Variants in THOC5 observed in about 807,000 individuals in gnomAD.
THOC5 encodes the protein Fms-interacting protein.
THOC5 carries 43 observed loss-of-function variants against 92.9 expected under a neutral mutation model. The observed-to-expected ratio is 0.46, with a 90% CI of 0.36 to 0.60. The LOEUF (loss-of-function observed/expected upper bound fraction) is 0.60. Ranked by LOEUF, THOC5 falls within the 20% of genes least tolerant of loss-of-function variation. The pLI is 0.00. For synonymous variants in THOC5, 296 were observed against 320.1 expected (o/e 0.92, Z 0.80); for missense variants, 659 against 849.4 (o/e 0.78, Z 2.79).
chr22:29,544,634 C>T (rs763804964), intron 2 of THOC5, 31 bp from the exon 3 acceptor site: 10 of 1,553,728 alleles, frequency 6.4e-6, no homozygotes, highest in Non-Finnish European at 7.0e-6. Context: ...GCTCTGTGTG[C>T]ATGGGGTAAA....
rs182827159 is a variant in THOC5, at chr22:29,512,266, C to T, written c.1682-130G>A. ...TAATCTGAATGCTGCAGAGTATATT[C>T]TGGTACCAACTGTTCCAGAATGTCC... On this transcript the variant is annotated intron_variant, in intron 17 of 19. Coordinates refer to ENST00000490103, the MANE Select transcript of THOC5 (RefSeq NM_003678.5). 2.0e-4 allele frequency: 132 copies of T among 668,464 alleles called. 1 individual carries two copies. The African/African-American group carries it at 2.1e-3, about 11-fold the overall frequency. The allele number at this position is 668,464 out of a possible 1,614,324, so 41.4% of individuals were successfully genotyped here. A position where few individuals can be genotyped will look rare whatever the true frequency, so the allele number is the denominator to read the frequency against.
chr22:29,506,869 T>C lies in THOC5; in HGVS notation c.*1588A>G, dbSNP rs932974750. ...GGTCTATTATATGCAGATTTCTTTT[T>C]TTAAAATTTTTTAGAGATAGGGACT... On this transcript the variant is annotated 3_prime_UTR_variant, in exon 20 of 20. Transcript: ENST00000490103. The C allele has an allele frequency of 6.6e-6, 1 of 151,724 alleles. No individual in the cohort carries two copies. The highest frequency in any genetic ancestry group is 6.6e-5 in the Admixed American group (1 of 15,232). The allele number at this position is 151,724 out of a possible 1,614,324, so 9.4% of individuals were successfully genotyped here.
At chr22:29,532,037 C>A (rs1436169851) in intron 7 of THOC5, 74 bp from the exon 8 acceptor site, 1 of 1,535,492 alleles carries the variant, frequency 6.5e-7, no homozygotes, top group Admixed American at 1.9e-5. Flanking sequence ...TACTTAGTGA[C>A]CGTAAATCAT....
intron 15 of THOC5, among the ~76,000 whole-genome samples, chr22:29,518,322 T>C (rs1179224310): frequency 6.6e-6 from 1 of 152,152 alleles, no homozygotes; most frequent in Non-Finnish European, 1.5e-5. Flanking sequence ...CAAGAGCCAC[T>C]GCGCCTGTCC....
chr22:29,508,866 G>A (rs1200488271), intron 19 of THOC5, among the ~76,000 whole-genome samples: 1 of 151,920 alleles, frequency 6.6e-6, no homozygotes, highest in East Asian at 1.9e-4. Context: ...CGTGATCTCG[G>A]CTCACTGCAA....
At chr22:29,531,599 T>C in intron 8 of THOC5, 2 of 1,261,890 alleles carry the variant, frequency 1.6e-6, no homozygotes, top group South Asian at 2.7e-5. Flanking sequence ...CCAGCCAGGC[T>C]CACGAATGAC....
intron 7 of THOC5, among the ~76,000 whole-genome samples, chr22:29,532,537 T>C (rs1282021546): frequency 6.6e-6 from 1 of 151,782 alleles, no homozygotes; most frequent in Non-Finnish European, 1.5e-5. Flanking sequence ...TGGTGGCATA[T>C]GCCTGTAATC....
At chr22:29,553,223 A>G (rs1051582253) in intron 1 of THOC5, among the ~76,000 whole-genome samples, 3 of 152,248 alleles carry the variant, frequency 2.0e-5, no homozygotes, top group Non-Finnish European at 2.9e-5. Context: ...GAAACACCCA[A>G]GAATTATCAA....
rs1487032313 is a variant in THOC5 at position 29,511,210 on chromosome 22, C to A, written c.1884G>T (p.Arg628=). 4 of 1,614,120 alleles carry A rather than the reference C, an allele frequency of 2.5e-6. No homozygotes were observed. The highest frequency in any genetic ancestry group is 3.4e-6 in the Non-Finnish European group (4 of 1,180,050). ...SHQLLTNQLQ[R]LCVLLDVYLE... is the part of the protein sequence containing the mutation. ...GGTAAACATCCAGCAGCACACACAG[C>A]CGCTGCAGCTGGTTGGTCAACAGCT... Residue 628 remains arginine (R), a synonymous_variant, in exon 19 of 20, where the codon CGG becomes CGT. Coordinates refer to ENST00000490103, the MANE Select transcript of THOC5 (RefSeq NM_003678.5).
intron 7 of THOC5, among the ~76,000 whole-genome samples, chr22:29,533,500 T>C (rs2063696130): frequency 6.6e-6 from 1 of 152,130 alleles, no homozygotes; most frequent in Non-Finnish European, 1.5e-5. Context: ...GACAACAGAT[T>C]TAAATAGAAA....
At position 29,520,106 on chromosome 22, in the gene THOC5, T is replaced by C. The variant is rs2063410875; in HGVS notation, c.1278-2A>G. On this transcript the variant is annotated splice_acceptor_variant, in intron 13 of 19. Coordinates refer to ENST00000490103, the MANE Select transcript of THOC5 (RefSeq NM_003678.5). LOFTEE classifies it high-confidence loss of function. ...ACATAGTCGCTCAAAGTCAGGATGC[T>C]GCAGAAAAGAAGATAAATAAAATTG... 1 of 1,612,814 alleles carries C rather than the reference T, an allele frequency of 6.2e-7. No individual in the cohort carries two copies. The highest frequency in any genetic ancestry group is 8.5e-7 in the Non-Finnish European group (1 of 1,179,158).
chr22:29,542,767 A>AC, intron 5 of THOC5, 92 bp downstream of exon 5: 1 of 876,446 alleles, frequency 1.1e-6, no homozygotes, highest in Non-Finnish European at 1.7e-6. Context: ...CCGTCTCAAA[A>AC]AAAAAAAAGA....
At chr22:29,550,928 C>T (rs529832592) in intron 1 of THOC5, 1 of 152,256 alleles carries the variant, frequency 6.6e-6, no homozygotes, top group South Asian at 2.1e-4. Flanking sequence ...CCTAGTTTGT[C>T]TTTAACATCT....
chr22:29,532,677 A>G (rs546140541), intron 7 of THOC5, among the ~76,000 whole-genome samples: 9 of 147,348 alleles, frequency 6.1e-5, no homozygotes, highest in African/African-American at 2.0e-4. Context: ...AAAAACAAAC[A>G]AAAAATAATA....
chr22:29,529,072 G>T lies in THOC5; in HGVS notation c.925+90C>A. 2.3e-6 allele frequency: 3 copies of T among 1,301,552 alleles called. No individual in the cohort carries two copies. In the South Asian group the frequency reaches 3.6e-5, roughly 16 times the overall value. 80.6% of individuals were successfully genotyped at this position (1,301,552 alleles called of 1,614,324 possible). A position where few individuals can be genotyped will look rare whatever the true frequency, so the allele number is the denominator to read the frequency against. On this transcript the variant is annotated intron_variant, in intron 9 of 19. Transcript: ENST00000490103. Reference sequence around the variant, plus strand: ...TTCAAGTCAAGCTTCCTGCTACACAGAACTAGTCCAGCTAGTTCTCCAAAG... The same window carrying T: ...TTCAAGTCAAGCTTCCTGCTACACATAACTAGTCCAGCTAGTTCTCCAAAG...
intron 17 of THOC5, among the ~76,000 whole-genome samples, chr22:29,514,564 C>T (rs1161142951): frequency 6.6e-6 from 1 of 151,956 alleles, no homozygotes; most frequent in Non-Finnish European, 1.5e-5. Context: ...GATCCGCCCG[C>T]CTCGGCTTCC....
intron 7 of THOC5, 123 bp from the exon 8 acceptor site, chr22:29,532,086 A>C: frequency 1.7e-6 from 2 of 1,183,420 alleles, no homozygotes; most frequent in Non-Finnish European, 1.2e-6. Context: ...AATAGAACTA[A>C]TAGGTGGATA....
chr22:29,528,294 G>A (rs1191114817), intron 10 of THOC5, 117 bp from the exon 11 acceptor site: 2 of 1,613,852 alleles, frequency 1.2e-6, no homozygotes, highest in Non-Finnish European at 1.7e-6. Context: ...AGCTAGCTGG[G>A]TTGTCAGACT....
At chr22:29,526,575 A>T (rs1311753017) in intron 11 of THOC5, among the ~76,000 whole-genome samples, 1 of 152,056 alleles carries the variant, frequency 6.6e-6, no homozygotes, top group Non-Finnish European at 1.5e-5. Flanking sequence ...AACAAAAAGA[A>T]GCAAGGAGAG....
Sources: gnomAD v4.1 joint callset for allele counts (sites outside exome capture counted in the v4.1 genomes callset) on GRCh38, gnomAD v4.1.1 for gene constraint, MANE v1.5 for transcripts, NCBI Gene and HGNC (gene_info 2026-07-23, HGNC 2026-07-21) for gene names.